Variants in AUTS2 observed in about 807,000 individuals in gnomAD.
The protein encoded by AUTS2 is autism susceptibility gene 2 protein.
AUTS2 carries 17 observed loss-of-function variants against 112.4 expected under a neutral mutation model. That is an observed-to-expected ratio of 0.15 (90% confidence interval 0.10 to 0.23). The LOEUF (loss-of-function observed/expected upper bound fraction) is 0.23. Among genes scored for constraint, AUTS2 ranks in the 10% least tolerant of loss-of-function variants. The pLI is 1.00. For synonymous variants in AUTS2, 751 were observed against 702.7 expected (o/e 1.07, Z -1.09); for missense variants, 1,510 against 1,701.6 (o/e 0.89, Z 1.98).
intron 1 of AUTS2, among the ~76,000 whole-genome samples, chr7:69,760,522 A>G (rs1332118861): frequency 2.6e-5 from 4 of 152,160 alleles, no homozygotes; most frequent in Admixed American, 2.6e-4. Flanking sequence ...GCTGCTGCCC[A>G]TTCAAAATAA....
intron 6 of AUTS2, among the ~76,000 whole-genome samples, chr7:70,723,235 A>T (rs368911238): frequency 7.2e-5 from 11 of 152,102 alleles, no homozygotes; most frequent in African/African-American, 2.7e-4. Flanking sequence ...GCTGAAAATA[A>T]CTTTTTCGGT....
At chr7:69,988,882 C>T (rs550754053) in intron 2 of AUTS2, among the ~76,000 whole-genome samples, 9 of 152,190 alleles carry the variant, frequency 5.9e-5, no homozygotes, top group Middle Eastern at 3.4e-3. Flanking sequence ...TTTCAACAAC[C>T]CCTTTCCTAG....
At chr7:70,407,673 C>T (rs865857220) in intron 4 of AUTS2, among the ~76,000 whole-genome samples, 12 of 152,088 alleles carry the variant, frequency 7.9e-5, no homozygotes, top group South Asian at 4.1e-4. Context: ...AATCCCAGCA[C>T]TTTGGGAGGC....
At chr7:69,622,986 T>C (rs1052660756) in intron 1 of AUTS2, among the ~76,000 whole-genome samples, 1 of 152,216 alleles carries the variant, frequency 6.6e-6, no homozygotes, top group African/African-American at 2.4e-5. Flanking sequence ...AGTCTCCTTA[T>C]GTTGCCTAGG....
chr7:70,044,465 TAACAGTC>T (rs1801411521), intron 2 of AUTS2, among the ~76,000 whole-genome samples: 1 of 152,172 alleles, frequency 6.6e-6, no homozygotes, highest in Non-Finnish European at 1.5e-5. Flanking sequence ...TGGGTATCAC[TAACAGTC>T]AATTGCTTTT....
rs976017092 is a variant in AUTS2, at chr7:69,599,743, G to A, written c.90G>A (p.Leu30=). 5.2e-6 allele frequency: 7 copies of A among 1,350,428 alleles called. No individual in the cohort carries two copies. In the African/African-American group the frequency reaches 1.1e-4, roughly 21 times the overall value. The allele number at this position is 1,350,428 out of a possible 1,614,324, so 83.7% of individuals were successfully genotyped here. A position where few individuals can be genotyped will look rare whatever the true frequency, so the allele number is the denominator to read the frequency against. Reference sequence around the variant, plus strand: ...GGGAGAGGCGCTCCCGGGGCGGGCTGGGGGCCGGCGCGGCCGGCGGCGGCG... The same window carrying A: ...GGGAGAGGCGCTCCCGGGGCGGGCTAGGGGCCGGCGCGGCCGGCGGCGGCG... ...RDRERRSRGG[L]GAGAAGGGGA... Residue 30 remains leucine, a synonymous_variant, in exon 1 of 19, where the codon CTG becomes CTA. Transcript: ENST00000342771. This position sits in a 1 kb window ranked among gnomAD's most constrained non-coding sequence, Gnocchi z 7.0.
At chr7:69,686,842 A>T (rs749273880) in intron 1 of AUTS2, among the ~76,000 whole-genome samples, 5 of 152,198 alleles carry the variant, frequency 3.3e-5, no homozygotes, top group Admixed American at 1.3e-4. Context: ...CTTAGGTGGG[A>T]CAGAAGCTCC....
intron 1 of AUTS2, among the ~76,000 whole-genome samples, chr7:69,626,259 T>C (rs1793939576): frequency 1.3e-5 from 2 of 152,220 alleles, no homozygotes; most frequent in South Asian, 2.1e-4. Context: ...CTGAGCTTAA[T>C]TGTAATTTTG....
chr7:70,279,282 G>T (rs1788090785), intron 4 of AUTS2, among the ~76,000 whole-genome samples: 1 of 152,146 alleles, frequency 6.6e-6, no homozygotes, highest in Non-Finnish European at 1.5e-5. Flanking sequence ...CTATTAGCTG[G>T]AGTTACAACC....
chr7:70,114,799 C>A (rs1358271087), intron 2 of AUTS2, among the ~76,000 whole-genome samples: 1 of 150,232 alleles, frequency 6.7e-6, no homozygotes. Flanking sequence ...AAAACTCCGT[C>A]TCAGAAAAAA....
chr7:70,450,953 G>T (rs1035936398), intron 5 of AUTS2, among the ~76,000 whole-genome samples: 1 of 152,148 alleles, frequency 6.6e-6, no homozygotes, highest in African/African-American at 2.4e-5. Flanking sequence ...AAAGTGGGGG[G>T]ATGGAGAAAA....
intron 2 of AUTS2, among the ~76,000 whole-genome samples, chr7:69,918,424 T>C (rs1283084843): frequency 6.6e-6 from 1 of 152,178 alleles, no homozygotes; most frequent in Non-Finnish European, 1.5e-5. Context: ...ACTGAACCCT[T>C]TGGAGTCTTT....
chr7:69,755,712 A>G (rs1007426896), intron 1 of AUTS2, among the ~76,000 whole-genome samples: 6 of 152,114 alleles, frequency 3.9e-5, no homozygotes, highest in African/African-American at 1.4e-4. Flanking sequence ...TTTATTTTTG[A>G]GAGATGAATG....
Position 70,792,219 on chromosome 7 carries a change from G to T in AUTS2, c.*1223G>T, listed in dbSNP as rs1177582274. ...AACAGGTCAACCTTGTGGAGCCATC[G>T]CGAGTTAGAGGGTGAAAGATGGCAG... On this transcript the variant is annotated 3_prime_UTR_variant, in exon 19 of 19. Transcript: ENST00000342771. The T allele has an allele frequency of 6.6e-6, 1 of 152,524 alleles. No homozygotes were observed. Among genetic ancestry groups the T allele is most frequent in the Non-Finnish European group, 1.5e-5 (1 of 68,036 alleles). The allele number at this position is 152,524 out of a possible 1,614,324, so 9.4% of individuals were successfully genotyped here.
chr7:69,789,338 A>G (rs1240991558), intron 1 of AUTS2, among the ~76,000 whole-genome samples: 2 of 152,224 alleles, frequency 1.3e-5, no homozygotes, highest in African/African-American at 2.4e-5. Context: ...CCAAGTATCA[A>G]TATTTTGTAA....
chr7:70,194,151 T>C (rs1355362875), intron 4 of AUTS2, among the ~76,000 whole-genome samples: 1 of 152,246 alleles, frequency 6.6e-6, no homozygotes, highest in East Asian at 1.9e-4. Flanking sequence ...GGCTCACGCC[T>C]GTAATCCCAG....
chr7:70,431,168 A>G (rs1197805893), intron 4 of AUTS2, among the ~76,000 whole-genome samples: 1 of 152,020 alleles, frequency 6.6e-6, no homozygotes, highest in Non-Finnish European at 1.5e-5. Context: ...ATGTTACAGG[A>G]TAAATTTTAC....
At chr7:70,248,663 A>G (rs562500030) in intron 4 of AUTS2, among the ~76,000 whole-genome samples, 1 of 151,816 alleles carries the variant, frequency 6.6e-6, no homozygotes, top group South Asian at 2.1e-4. Flanking sequence ...TTTTCTTTGA[A>G]TTGTTTCTTC....
chr7:69,605,737 T>C (rs1792682640), intron 1 of AUTS2, among the ~76,000 whole-genome samples: 1 of 152,218 alleles, frequency 6.6e-6, no homozygotes, highest in Non-Finnish European at 1.5e-5. Flanking sequence ...TGTTGCATTT[T>C]TCACTTTCTT....
Sources: allele counts gnomAD v4.1 joint callset (sites outside exome capture counted in the v4.1 genomes callset), GRCh38; gene constraint gnomAD v4.1.1; non-coding constraint Gnocchi (gnomAD v3.1); transcripts MANE v1.5; gene names NCBI Gene and HGNC (gene_info 2026-07-23, HGNC 2026-07-21).